Variants in PLCB1 observed in about 807,000 individuals in gnomAD.
PLCB1 encodes the protein 1-phosphatidylinositol 4,5-bisphosphate phosphodiesterase beta-1.
A neutral mutation model predicts 161.8 loss-of-function variants in PLCB1; 46 were observed. The observed-to-expected ratio is 0.28, with a 90% CI of 0.22 to 0.36. The LOEUF (loss-of-function observed/expected upper bound fraction) is 0.36. Among genes scored for constraint, PLCB1 ranks in the 10% least tolerant of loss-of-function variants. The pLI, the probability that PLCB1 is intolerant of heterozygous loss-of-function variation, is 1.00. For missense variants in PLCB1, 1,016 were observed against 1,472.5 expected, an observed-to-expected ratio of 0.69 and a Z score of 5.07; for synonymous variants, 517 against 503.7, an observed-to-expected ratio of 1.03 and a Z score of -0.35.
chr20:8,620,535 T>A (rs1168115869), intron 3 of PLCB1, among the ~76,000 whole-genome samples: 5 of 150,834 alleles, frequency 3.3e-5, no homozygotes, highest in Admixed American at 2.0e-4. Context: ...AGGCCAGGAG[T>A]TTGAGACCAG....
intron 3 of PLCB1, among the ~76,000 whole-genome samples, chr20:8,594,063 G>A (rs926138190): frequency 1.3e-5 from 2 of 151,900 alleles, no homozygotes; most frequent in African/African-American, 4.8e-5. Flanking sequence ...TTAATTTTTT[G>A]TTATAGACAG....
At chr20:8,631,701 G>A (rs1302712720) in intron 4 of PLCB1, among the ~76,000 whole-genome samples, 1 of 152,066 alleles carries the variant, frequency 6.6e-6, no homozygotes, top group East Asian at 1.9e-4. Flanking sequence ...GGTCATTGTG[G>A]AAATTTTTCA....
chr20:8,509,958 AT>A (rs1323047279), intron 3 of PLCB1, among the ~76,000 whole-genome samples: 1 of 152,184 alleles, frequency 6.6e-6, no homozygotes, highest in African/African-American at 2.4e-5. Context: ...CTTAATTATA[AT>A]GTTATCTTCT....
intron 2 of PLCB1, among the ~76,000 whole-genome samples, chr20:8,235,123 A>G (rs1333500504): frequency 6.6e-6 from 1 of 152,128 alleles, no homozygotes; most frequent in East Asian, 1.9e-4. Context: ...TATATGCACC[A>G]TATGTGGCTA....
intron 31 of PLCB1, among the ~76,000 whole-genome samples, chr20:8,844,309 A>T (rs1257050368): frequency 6.6e-6 from 1 of 152,184 alleles, no homozygotes; most frequent in Non-Finnish European, 1.5e-5. Context: ...TTGTTTGGTT[A>T]AAATAGATAA....
intron 3 of PLCB1, among the ~76,000 whole-genome samples, chr20:8,485,834 T>C (rs1405324421): frequency 6.6e-6 from 1 of 152,194 alleles, no homozygotes; most frequent in Non-Finnish European, 1.5e-5. Flanking sequence ...ATTTGGGGTC[T>C]ACAGAGGTAT....
At chr20:8,141,264 A>G (rs1021597293) in intron 1 of PLCB1, among the ~76,000 whole-genome samples, 6 of 152,162 alleles carry the variant, frequency 3.9e-5, no homozygotes, top group African/African-American at 1.2e-4. Context: ...TGGTGTATGT[A>G]CAGTCCGTTT....
chr20:8,476,809 T>G (rs1027264966), intron 3 of PLCB1, among the ~76,000 whole-genome samples: 16 of 152,126 alleles, frequency 1.1e-4, no homozygotes, highest in Admixed American at 9.2e-4. Context: ...CTTTTTTGTG[T>G]GTGTGATGTT....
chr20:8,529,696 C>T (rs1249863871), intron 3 of PLCB1, among the ~76,000 whole-genome samples: 14 of 152,010 alleles, frequency 9.2e-5, no homozygotes, highest in Admixed American at 9.2e-4. Context: ...AGCTAGTCTC[C>T]CTCACACCCT....
At chr20:8,879,423 G>A (rs879685744) in intron 31 of PLCB1, among the ~76,000 whole-genome samples, 1 of 152,004 alleles carries the variant, frequency 6.6e-6, no homozygotes, top group Non-Finnish European at 1.5e-5. Flanking sequence ...CATATACCAT[G>A]AGCATAACAC....
At chr20:8,435,752 C>G in intron 3 of PLCB1, among the ~76,000 whole-genome samples, 1 of 152,152 alleles carries the variant, frequency 6.6e-6, no homozygotes, top group East Asian at 1.9e-4. Context: ...TCTTATGAGA[C>G]ATTGACAGGA....
intron 14 of PLCB1, 108 bp from the exon 15 acceptor site, chr20:8,722,246 A>T: frequency 2.6e-6 from 2 of 782,780 alleles, no homozygotes; most frequent in Non-Finnish European, 4.1e-6. Context: ...TAAACAGCCC[A>T]ACTTCCAAGG....
intron 3 of PLCB1, among the ~76,000 whole-genome samples, chr20:8,501,330 G>A (rs1422838254): frequency 6.6e-6 from 1 of 152,244 alleles, no homozygotes; most frequent in Non-Finnish European, 1.5e-5. Flanking sequence ...TGGATGAGCA[G>A]TAGACTGCTC....
At chr20:8,720,103 A>G (rs1399915754) in intron 14 of PLCB1, among the ~76,000 whole-genome samples, 1 of 152,218 alleles carries the variant, frequency 6.6e-6, no homozygotes, top group Non-Finnish European at 1.5e-5. Flanking sequence ...AGTGAGTATC[A>G]TTAACAGGCC....
At chr20:8,678,030 A>T (rs6039229) in intron 9 of PLCB1, among the ~76,000 whole-genome samples, 4 of 152,236 alleles carry the variant, frequency 2.6e-5, no homozygotes, top group Non-Finnish European at 5.9e-5. Context: ...CTTCAAGAGA[A>T]TCTAACCAAG....
chr20:8,465,017 C>T (rs546503682), intron 3 of PLCB1, among the ~76,000 whole-genome samples: 2 of 152,228 alleles, frequency 1.3e-5, no homozygotes, highest in African/African-American at 2.4e-5. Flanking sequence ...CTTCCTTAAT[C>T]ATATTATCAT....
chr20:8,857,753 CTAAGA>C (rs1303399487), intron 31 of PLCB1, among the ~76,000 whole-genome samples: 3 of 152,192 alleles, frequency 2.0e-5, no homozygotes, highest in Non-Finnish European at 2.9e-5. Flanking sequence ...ATATTTCCTA[CTAAGA>C]TGAGTATGAA....
At chr20:8,421,593 T>G (rs1979540084) in intron 3 of PLCB1, among the ~76,000 whole-genome samples, 1 of 152,156 alleles carries the variant, frequency 6.6e-6, no homozygotes, top group African/African-American at 2.4e-5. Context: ...GTTAAAGACT[T>G]TAAGTCCTAC....
chr20:8,854,991 A>T (rs757714871), intron 31 of PLCB1, among the ~76,000 whole-genome samples: 7 of 152,244 alleles, frequency 4.6e-5, no homozygotes, highest in Non-Finnish European at 1.0e-4. Flanking sequence ...TTTAAATAAC[A>T]TAACGGAGAG....
Sources: allele counts gnomAD v4.1 joint callset (sites outside exome capture counted in the v4.1 genomes callset), GRCh38; gene constraint gnomAD v4.1.1; transcripts MANE v1.5; gene names NCBI Gene and HGNC (gene_info 2026-07-23, HGNC 2026-07-21).